Variants in RASGEF1A observed in about 807,000 individuals in gnomAD.
RASGEF1A encodes the protein RasGEF domain family member 1A, also known as ras-GEF domain-containing family member 1A.
Under a neutral mutation model 56.4 loss-of-function variants are expected in RASGEF1A, and 18 were observed. The observed-to-expected ratio is 0.32, with a 90% CI of 0.22 to 0.47. RASGEF1A has a LOEUF of 0.47. RASGEF1A is among the 20% of genes least tolerant of loss of function. RASGEF1A has a pLI of 1.00. For missense variants in RASGEF1A, 422 were observed against 627.1 expected (o/e 0.67, Z 3.49); for synonymous variants, 245 against 242.6 (o/e 1.01, Z -0.09).
Position 43,200,126 on chromosome 10 carries a change from C to T in RASGEF1A, c.756+56G>A, listed in dbSNP as rs1327799603. On this transcript the variant is annotated intron_variant, in intron 6 of 12. Coordinates refer to ENST00000395810, the MANE Select transcript of RASGEF1A (RefSeq NM_145313.4). The stretch of plus-strand genomic sequence containing the variant: ...AGGCCCACACCCACCCTGCATGGAG[C>T]GCAAGTGCTGGGCAGACAGGGCTGG... 2.8e-6 allele frequency: 4 copies of T among 1,415,368 alleles called. No homozygotes were observed. In the South Asian group the frequency reaches 3.7e-5, roughly 13 times the overall value. 87.7% of individuals were successfully genotyped at this position (1,415,368 alleles called of 1,614,324 possible).
chr10:43,238,201 G>T (rs962664565), intron 1 of RASGEF1A, among the ~76,000 whole-genome samples: 1 of 152,106 alleles, frequency 6.6e-6, no homozygotes, highest in South Asian at 2.1e-4. Flanking sequence ...ACTTAAAGGG[G>T]TCTTCAGGGG....
chr10:43,239,333 G>A (rs143245722), intron 1 of RASGEF1A, among the ~76,000 whole-genome samples: 1,559 of 152,328 alleles, frequency 0.01, 32 homozygotes, highest in African/African-American at 0.035. Context: ...ATCATTGTAA[G>A]TTTAAAGAGA....
chr10:43,205,862 T>C, intron 2 of RASGEF1A, 57 bp downstream of exon 2: 1 of 1,432,818 alleles, frequency 7.0e-7, no homozygotes, highest in South Asian at 1.2e-5. Flanking sequence ...ACACCCGACA[T>C]CTCCTGGAGC....
At chr10:43,213,678 G>C (rs1008142074) in intron 1 of RASGEF1A, among the ~76,000 whole-genome samples, 2 of 152,204 alleles carry the variant, frequency 1.3e-5, no homozygotes, top group Non-Finnish European at 2.9e-5. Context: ...CCAGGCTGGA[G>C]TGCAGTGGCA....
intron 10 of RASGEF1A, 37 bp from the exon 11 acceptor site, chr10:43,197,136 C>T (rs760628889): frequency 1.2e-6 from 2 of 1,607,698 alleles, no homozygotes; most frequent in Non-Finnish European, 8.5e-7. Flanking sequence ...TCATCTGTCA[C>T]CTTAAGCACC....
intron 1 of RASGEF1A, among the ~76,000 whole-genome samples, chr10:43,254,248 C>T (rs1447569595): frequency 6.6e-6 from 1 of 152,232 alleles, no homozygotes; most frequent in Non-Finnish European, 1.5e-5. Flanking sequence ...TTGGGAACTG[C>T]AATGTGCCAG....
At chr10:43,261,608 C>A (rs1836529993) in intron 1 of RASGEF1A, among the ~76,000 whole-genome samples, 1 of 152,230 alleles carries the variant, frequency 6.6e-6, no homozygotes, top group Non-Finnish European at 1.5e-5. Context: ...AACTCCCAAC[C>A]TCATCCAAGC....
Position 43,203,433 on chromosome 10 carries a change from G to A in RASGEF1A, c.199-13C>T, listed in dbSNP as rs1408771584. On this transcript the variant is annotated splice_polypyrimidine_tract_variant and intron_variant, in intron 2 of 12. Coordinates refer to ENST00000395810, the MANE Select transcript of RASGEF1A (RefSeq NM_145313.4). ...AGATGTACGTCCTCTGAAGGCAGGA[G>A]ACGGAGAGAGGGCGGAGGGAGGGTG... 1 of 1,529,212 alleles carries A rather than the reference G, an allele frequency of 6.5e-7. No homozygotes were observed. Among genetic ancestry groups the A allele is most frequent in the Non-Finnish European group, 8.8e-7 (1 of 1,132,254 alleles). 94.7% of individuals were successfully genotyped at this position (1,529,212 alleles called of 1,614,324 possible).
At chr10:43,222,001 T>A (rs1840215131) in intron 1 of RASGEF1A, among the ~76,000 whole-genome samples, 1 of 152,198 alleles carries the variant, frequency 6.6e-6, no homozygotes, top group African/African-American at 2.4e-5. Context: ...GAAATGCATC[T>A]TAGGCGATTT....
At chr10:43,260,990 T>G (rs1836518036) in intron 1 of RASGEF1A, among the ~76,000 whole-genome samples, 1 of 152,206 alleles carries the variant, frequency 6.6e-6, no homozygotes, top group Non-Finnish European at 1.5e-5. Flanking sequence ...TGCGGGCATC[T>G]CCGAGCCAGC....
In RASGEF1A at chr10:43,199,172, G is replaced by A; in HGVS notation, c.872C>T (p.Thr291Ile). The A allele has an allele frequency of 6.2e-7, 1 of 1,612,128 alleles. No individual in the cohort carries two copies. Among genetic ancestry groups the A allele is most frequent in the Non-Finnish European group, 8.5e-7 (1 of 1,179,140 alleles). Residue 291 changes from threonine to isoleucine, a missense_variant, in exon 8 of 13, where the codon ACC becomes ATC. By Grantham distance (89) the Thr-to-Ile change is moderately conservative. Coordinates refer to ENST00000395810, the MANE Select transcript of RASGEF1A (RefSeq NM_145313.4). ...VCRVVKKKHR[T>I]RMLEFFIDVA... ...ATCAATGAAGAACTCCAACATGCGG[G>A]TCCGGTGTTTCTTCTTCACCACCTG...
intron 1 of RASGEF1A, among the ~76,000 whole-genome samples, chr10:43,231,072 T>C (rs148249377): frequency 1.8e-3 from 270 of 152,274 alleles, no homozygotes; most frequent in African/African-American, 6.1e-3. Context: ...CGCCTGTGGG[T>C]GGGCAGTGCG....
intron 1 of RASGEF1A, among the ~76,000 whole-genome samples, chr10:43,215,159 C>A (rs1434983681): frequency 6.6e-6 from 1 of 152,144 alleles, no homozygotes; most frequent in African/African-American, 2.4e-5. Flanking sequence ...AATTAAGAAA[C>A]CCAGCTTCCT....
chr10:43,262,327 G>A (rs1466855902), intron 1 of RASGEF1A, among the ~76,000 whole-genome samples: 1 of 152,212 alleles, frequency 6.6e-6, no homozygotes, highest in Non-Finnish European at 1.5e-5. Flanking sequence ...AGAGTCTGAG[G>A]GTGACACTTG....
At chr10:43,263,086 C>T (rs76873477) in intron 1 of RASGEF1A, among the ~76,000 whole-genome samples, 4 of 152,214 alleles carry the variant, frequency 2.6e-5, no homozygotes, top group African/African-American at 7.2e-5. Flanking sequence ...ACTGACAGAA[C>T]CCAGAGGACA....
intron 1 of RASGEF1A, among the ~76,000 whole-genome samples, chr10:43,261,847 G>A (rs982325925): frequency 6.6e-6 from 1 of 152,182 alleles, no homozygotes; most frequent in African/African-American, 2.4e-5. Context: ...TCAGAGCACC[G>A]GCCAGAAAAA....
chr10:43,232,758 A>G (rs1255170742), intron 1 of RASGEF1A, among the ~76,000 whole-genome samples: 1 of 152,158 alleles, frequency 6.6e-6, no homozygotes, highest in Non-Finnish European at 1.5e-5. Context: ...AAGTGCTGGG[A>G]TTACAGGCAT....
intron 3 of RASGEF1A, 53 bp downstream of exon 3, chr10:43,203,245 C>A (rs1056891593): frequency 9.3e-6 from 14 of 1,508,166 alleles, no homozygotes; most frequent in South Asian, 1.2e-5. Context: ...CTAGCCTTGA[C>A]CTCGCCTCCT....
intron 1 of RASGEF1A, among the ~76,000 whole-genome samples, chr10:43,242,054 CG>C (rs1401174359): frequency 6.6e-6 from 1 of 152,170 alleles, no homozygotes. Flanking sequence ...AGGAGAATGG[CG>C]TGAACCCAGG....
Sources: gnomAD v4.1 joint callset for allele counts (sites outside exome capture counted in the v4.1 genomes callset) on GRCh38, gnomAD v4.1.1 for gene constraint, MANE v1.5 for transcripts, NCBI Gene and HGNC (gene_info 2026-07-23, HGNC 2026-07-21) for gene names.